The following CAMK1D variants were observed in gnomAD, a reference collection of about 807,000 sequenced individuals.
CAMK1D encodes the protein calcium/calmodulin-dependent protein kinase type 1D.
In CAMK1D, 9 loss-of-function variants were observed where a neutral mutation model predicts 47.7. The ratio of observed to expected loss-of-function variants is 0.19; its 90% CI spans 0.11 to 0.33. CAMK1D has a LOEUF of 0.33. Among genes scored for constraint, CAMK1D ranks in the 10% least tolerant of loss-of-function variants. The pLI is 1.00. For missense variants in CAMK1D, 291 were observed against 488.7 expected (o/e 0.60, Z 3.81); for synonymous variants, 184 against 184.9 (o/e 0.99, Z 0.04).
intron 1 of CAMK1D, among the ~76,000 whole-genome samples, chr10:12,524,832 C>A (rs1442773323): frequency 1.3e-5 from 2 of 152,170 alleles, no homozygotes; most frequent in African/African-American, 2.4e-5. Context: ...TCTCTTTATT[C>A]TTAAAGTTCC....
chr10:12,480,973 C>A (rs1588536004), intron 1 of CAMK1D, among the ~76,000 whole-genome samples: 2 of 152,218 alleles, frequency 1.3e-5, no homozygotes, highest in East Asian at 3.8e-4. Context: ...CATTCCTGGG[C>A]TTGGGTCAAG....
intron 2 of CAMK1D, among the ~76,000 whole-genome samples, chr10:12,620,215 A>AAAAAAAAAAAAAAAAAAAAAAAAAAG (rs1838956842): frequency 7.4e-6 from 1 of 134,410 alleles, no homozygotes; most frequent in Non-Finnish European, 1.7e-5. Flanking sequence ...AAAAAAAAAA[A>AAAAAAAAAAAAAAAAAAAAAAAAAAG]AAATAAAGCT....
chr10:12,476,146 G>T (rs186514827), intron 1 of CAMK1D, among the ~76,000 whole-genome samples: 21 of 152,152 alleles, frequency 1.4e-4, no homozygotes, highest in African/African-American at 5.1e-4. Context: ...ACAAAAATTA[G>T]CTGGGCATGG....
intron 3 of CAMK1D, among the ~76,000 whole-genome samples, chr10:12,704,101 A>G (rs1421364402): frequency 6.6e-6 from 1 of 152,208 alleles, no homozygotes; most frequent in South Asian, 2.1e-4. Context: ...AAGTTATTCA[A>G]AAGACCCAAT....
chr10:12,656,504 GAA>G (rs1840119192), intron 2 of CAMK1D, among the ~76,000 whole-genome samples: 1 of 152,008 alleles, frequency 6.6e-6, no homozygotes, highest in African/African-American at 2.4e-5. Context: ...AAAAAAAAGA[GAA>G]AAGAAAAAAA....
At chr10:12,658,496 A>T (rs1026439796) in intron 2 of CAMK1D, among the ~76,000 whole-genome samples, 7 of 152,100 alleles carry the variant, frequency 4.6e-5, no homozygotes, top group African/African-American at 1.7e-4. Flanking sequence ...CCCCAGGCCT[A>T]TGTGCACAAA....
At chr10:12,696,555 A>T (rs1833305795) in intron 3 of CAMK1D, among the ~76,000 whole-genome samples, 1 of 152,120 alleles carries the variant, frequency 6.6e-6, no homozygotes, top group Non-Finnish European at 1.5e-5. Context: ...ACAAACAAAC[A>T]AACAAAAATT....
chr10:12,723,901 C>T (rs1210780342), intron 3 of CAMK1D, among the ~76,000 whole-genome samples: 20 of 152,114 alleles, frequency 1.3e-4, no homozygotes, highest in Non-Finnish European at 2.9e-5. Flanking sequence ...TAATGCTATC[C>T]CTCCCCACTC....
intron 5 of CAMK1D, among the ~76,000 whole-genome samples, chr10:12,787,526 G>T (rs1453870423): frequency 6.6e-6 from 1 of 152,210 alleles, no homozygotes; most frequent in African/African-American, 2.4e-5. Flanking sequence ...CTGCTCTGCG[G>T]TGGCTGTGGC....
intron 3 of CAMK1D, among the ~76,000 whole-genome samples, chr10:12,669,037 G>T (rs1840522914): frequency 6.6e-6 from 1 of 152,158 alleles, no homozygotes; most frequent in Admixed American, 6.5e-5. Context: ...TTCGAGACCA[G>T]CCTGGCCAAC....
chr10:12,503,986 G>A (rs1834787405), intron 1 of CAMK1D, among the ~76,000 whole-genome samples: 5 of 152,114 alleles, frequency 3.3e-5, no homozygotes, highest in Admixed American at 3.3e-4. Context: ...CAGGGCACCT[G>A]CTTTCCCGCA....
chr10:12,425,651 C>T (rs1204002235), intron 1 of CAMK1D, among the ~76,000 whole-genome samples: 2 of 152,146 alleles, frequency 1.3e-5, no homozygotes, highest in South Asian at 2.1e-4. Context: ...GCCTGGGATC[C>T]GAATTGCTTA....
chr10:12,689,057 C>T (rs1056446867), intron 3 of CAMK1D, among the ~76,000 whole-genome samples: 18 of 152,246 alleles, frequency 1.2e-4, no homozygotes, highest in African/African-American at 4.3e-4. Flanking sequence ...TCTTCAGTCC[C>T]ATAGAATGCT....
At chr10:12,812,265 C>T (rs935719557) in intron 6 of CAMK1D, among the ~76,000 whole-genome samples, 1 of 152,216 alleles carries the variant, frequency 6.6e-6, no homozygotes, top group African/African-American at 2.4e-5. Context: ...TAGGCTGTGG[C>T]TGTGTGTTGA....
intron 1 of CAMK1D, among the ~76,000 whole-genome samples, chr10:12,460,054 T>C (rs1232860344): frequency 1.3e-5 from 2 of 152,268 alleles, no homozygotes; most frequent in African/African-American, 2.4e-5. Flanking sequence ...ATCTGTGATC[T>C]AGTTATGAAA....
intron 1 of CAMK1D, among the ~76,000 whole-genome samples, chr10:12,444,096 A>C (rs1004901920): frequency 2.6e-5 from 4 of 152,176 alleles, no homozygotes; most frequent in African/African-American, 9.7e-5. Context: ...ACCAGAGGTC[A>C]CTGTCATCGC....
intron 1 of CAMK1D, among the ~76,000 whole-genome samples, chr10:12,376,463 G>C (rs551905489): frequency 6.6e-6 from 1 of 152,280 alleles, no homozygotes; most frequent in African/African-American, 2.4e-5. Context: ...CTCCTCTAGG[G>C]CAGGTCCTGG....
In CAMK1D at chr10:12,434,942, G is replaced by GC. The variant is rs148325159; in HGVS notation, c.92+85033dup. ...GAATCAGGAGGGGAGGGAAGGCTGGGCGCAGTGGCTCACACTGGTAATCCC... is the reference window on the plus strand; with the variant it reads ...GAATCAGGAGGGGAGGGAAGGCTGGGCCGCAGTGGCTCACACTGGTAATCCC... On this transcript the variant is annotated intron_variant, in intron 1 of 10. Transcript: ENST00000619168. 4.1e-3 allele frequency among the ~76,000 whole-genome samples: 623 copies of GC among 152,272 alleles called. 6 individuals carry two copies. The highest frequency in any genetic ancestry group is 0.014 in the African/African-American group (596 of 41,552).
chr10:12,426,810 G>T (rs1009499042), intron 1 of CAMK1D, among the ~76,000 whole-genome samples: 2 of 152,182 alleles, frequency 1.3e-5, no homozygotes, highest in Non-Finnish European at 2.9e-5. Flanking sequence ...CACCTCCGGG[G>T]TTCAAGCAAT....
Sources: gnomAD v4.1 joint callset for allele counts (sites outside exome capture counted in the v4.1 genomes callset) on GRCh38, gnomAD v4.1.1 for gene constraint, MANE v1.5 for transcripts, NCBI Gene and HGNC (gene_info 2026-07-23, HGNC 2026-07-21) for gene names.